TGM4: variants seen among roughly 807,000 people sequenced by gnomAD.
TGM4 encodes protein-glutamine gamma-glutamyltransferase 4.
In TGM4, 61 loss-of-function variants were observed where a neutral mutation model predicts 76.3. That is an observed-to-expected ratio of 0.80 (90% confidence interval 0.65 to 0.99). The LOEUF (loss-of-function observed/expected upper bound fraction) is 0.99, where lower values mean the gene tolerates loss of function less well. Ranked by LOEUF, TGM4 falls within the 50% of genes least tolerant of loss-of-function variation. The pLI is 0.00. For missense variants in TGM4, 794 were observed against 843.2 expected (o/e 0.94, Z 0.72); for synonymous variants, 337 against 329.8 (o/e 1.02, Z -0.24).
chr3:44,910,439 T>C lies in TGM4; in HGVS notation c.1606+71T>C, dbSNP rs140854321. On this transcript the variant is annotated intron_variant, in intron 11 of 13. Coordinates refer to ENST00000296125, the MANE Select transcript of TGM4 (RefSeq NM_003241.4). The stretch of plus-strand genomic sequence containing the variant: ...CCACAATCTGAAATCCCTCTTCTCC[T>C]CTGTGGACAACTTCCATACATTGAT... The C allele has an allele frequency of 4.9e-4, 755 of 1,533,692 alleles. 4 individuals are homozygous for C. The African/African-American group carries it at 9.5e-3, about 19-fold the overall frequency.
Position 44,914,585 on chromosome 3 carries a change from A to G in TGM4, c.*860A>G, listed in dbSNP as rs911594335. 3 of 152,036 alleles carry G rather than the reference A, an allele frequency of 2.0e-5. No individual in the cohort carries two copies. Among genetic ancestry groups the G allele is most frequent in the Non-Finnish European group, 4.4e-5 (3 of 68,016 alleles). 9.4% of individuals were successfully genotyped at this position (152,036 alleles called of 1,614,324 possible). A position where few individuals can be genotyped will look rare whatever the true frequency, so the allele number is the denominator to read the frequency against. ...AAATGATCAATAAGCTTTAAATTAAACTCTACTTCAAGAAAACTCTGTGGT... is the reference window on the plus strand; with the variant it reads ...AAATGATCAATAAGCTTTAAATTAAGCTCTACTTCAAGAAAACTCTGTGGT... On this transcript the variant is annotated 3_prime_UTR_variant, in exon 14 of 14. Coordinates refer to ENST00000296125, the MANE Select transcript of TGM4 (RefSeq NM_003241.4).
At position 44,911,394 on chromosome 3, in the gene TGM4, C is replaced by T. The variant is rs1700003928; in HGVS notation, c.1901C>T (p.Thr634Ile). Reference sequence around the variant, plus strand: ...AGCCTGGGCATCTCCTCACTACAGACCTCTGACCATGGGTGAGTCTGCCTG... The same window carrying T: ...AGCCTGGGCATCTCCTCACTACAGATCTCTGACCATGGGTGAGTCTGCCTG... ...LESLGISSLQTSDHGTVQPGE... is the reference protein window; with the variant it reads ...LESLGISSLQISDHGTVQPGE... The change falls in exon 13 of 14, where the codon ACC becomes ATC. Residue 634 changes from threonine to isoleucine, a missense_variant. Transcript: ENST00000296125. The T allele has an allele frequency of 6.2e-7, 1 of 1,614,182 alleles. No homozygotes were observed.
chr3:44,901,881 T>C lies in TGM4; in HGVS notation c.921T>C (p.Tyr307=). ...DTERNLTVDT[Y]VNENGEKITS... The stretch of plus-strand genomic sequence containing the variant: ...AAAGGAACCTCACGGTGGACACCTA[T>C]GTGAATGAGAATGGCGAGAAAATCA... Residue 307 remains tyrosine, a synonymous_variant, in exon 8 of 14, where the codon TAT becomes TAC. Coordinates refer to ENST00000296125, the MANE Select transcript of TGM4 (RefSeq NM_003241.4). 3 of 1,614,228 alleles carry C rather than the reference T, an allele frequency of 1.9e-6. No homozygotes were observed. Among genetic ancestry groups the C allele is most frequent in the African/African-American group, 1.3e-5 (1 of 75,064 alleles).
chr3:44,886,353 G>T (rs1329896009), intron 2 of TGM4, among the ~76,000 whole-genome samples: 1 of 152,122 alleles, frequency 6.6e-6, no homozygotes, highest in African/African-American at 2.4e-5. Flanking sequence ...AAAAAAATTA[G>T]ATCAGGTAGA....
chr3:44,905,889 T>G (rs1260264614), intron 9 of TGM4, among the ~76,000 whole-genome samples: 1 of 152,136 alleles, frequency 6.6e-6, no homozygotes, highest in Non-Finnish European at 1.5e-5. Context: ...GCTCTTTCCA[T>G]CCAGGGAGTC....
chr3:44,881,857 T>A (rs1311645958), intron 1 of TGM4, among the ~76,000 whole-genome samples: 2 of 152,192 alleles, frequency 1.3e-5, no homozygotes, highest in African/African-American at 4.8e-5. Flanking sequence ...TTGCAGAGAC[T>A]TTTGTTTTTT....
Position 44,893,616 on chromosome 3 carries a change from A to G in TGM4, c.470A>G (p.Glu157Gly), listed in dbSNP as rs376813509. ...VFMPDEDERK[E>G]YILNDTGCHY... is the part of the protein sequence containing the mutation. ...ATGCCTGATGAGGACGAGCGCAAAG[A>G]GTACATCCTCAATGACACGGGCTGC... The change falls in exon 5 of 14, where the codon GAG becomes GGG. Residue 157 changes from glutamate (E) to glycine (G), a missense_variant. Transcript: ENST00000296125. 3 of 1,613,756 alleles carry G rather than the reference A, an allele frequency of 1.9e-6. No individual in the cohort carries two copies. Among genetic ancestry groups the G allele is most frequent in the South Asian group, 1.1e-5 (1 of 91,074 alleles).
chr3:44,891,841 G>T (rs1423141922), intron 4 of TGM4, among the ~76,000 whole-genome samples: 1 of 151,992 alleles, frequency 6.6e-6, no homozygotes, highest in Non-Finnish European at 1.5e-5. Flanking sequence ...CGGGCATGGT[G>T]GCGGGCGCCT....
chr3:44,877,954 C>A (rs1207708642), intron 1 of TGM4, among the ~76,000 whole-genome samples: 2 of 152,044 alleles, frequency 1.3e-5, no homozygotes, highest in Non-Finnish European at 2.9e-5. Flanking sequence ...AGGTTGAGAC[C>A]AGCCTGGGCA....
chr3:44,882,103 C>T (rs1699542031), intron 1 of TGM4, among the ~76,000 whole-genome samples: 1 of 127,326 alleles, frequency 7.9e-6, no homozygotes, highest in African/African-American at 2.9e-5. Context: ...ACTTTGTTGC[C>T]CAGGCTGGCG....
At position 44,896,821 on chromosome 3, in the gene TGM4, G is replaced by C; in HGVS notation, c.657+5G>C. On this transcript the variant is annotated splice_donor_5th_base_variant and intron_variant, in intron 6 of 13. Coordinates refer to ENST00000296125, the MANE Select transcript of TGM4 (RefSeq NM_003241.4). ...TGCAGGGCCATGTGTGCTATGGTAG[G>C]TATGGAAAGCCTGGGCTGATGCTGT... 2 of 1,613,102 alleles carry C rather than the reference G, an allele frequency of 1.2e-6. No homozygotes were observed. Among genetic ancestry groups the C allele is most frequent in the South Asian group, 1.1e-5 (1 of 91,062 alleles).
intron 10 of TGM4, 109 bp downstream of exon 10, chr3:44,907,309 C>CAA: frequency 8.9e-6 from 7 of 789,570 alleles, no homozygotes; most frequent in Middle Eastern, 4.1e-4. Context: ...CCCATCCCTA[C>CAA]CAAAAAAAAA....
At chr3:44,890,816 TG>T in intron 4 of TGM4, 84 bp downstream of exon 4, 1 of 1,531,932 alleles carries the variant, frequency 6.5e-7, no homozygotes, top group Non-Finnish European at 8.9e-7. Context: ...TATGAGCTTT[TG>T]TTTGCTCTCA....
At chr3:44,910,927 AC>A (rs1448580897) in intron 11 of TGM4, 30 bp from the exon 12 acceptor site, 1 of 1,606,118 alleles carries the variant, frequency 6.2e-7, no homozygotes, top group African/African-American at 1.3e-5. Flanking sequence ...ATGATGAATG[AC>A]CTCTCCCCTC....
chr3:44,878,552 G>A lies in TGM4; in HGVS notation c.19+3855G>A, dbSNP rs369324163. On this transcript the variant is annotated intron_variant, in intron 1 of 13. Transcript: ENST00000296125. ...GGCTGGAGCACAGTGACGTGATCTC[G>A]GTTCACTGCAGCCTCCAGTTCCCAG... Among the ~76,000 whole-genome samples the A allele has an allele frequency of 9.3e-5, 14 of 150,858 alleles. No individual in the cohort carries two copies. The East Asian group carries it at 2.1e-3, about 23-fold the overall frequency.
chr3:44,874,794 C>CCT, intron 1 of TGM4, 97 bp downstream of exon 1: 2 of 1,466,672 alleles, frequency 1.4e-6, no homozygotes, highest in Admixed American at 3.6e-5. Context: ...GGGCCATTGC[C>CCT]CTCTCACCCT....
chr3:44,874,846 T>G, intron 1 of TGM4, 149 bp downstream of exon 1: 1 of 857,980 alleles, frequency 1.2e-6, no homozygotes, highest in Non-Finnish European at 1.8e-6. Context: ...TCTCATCCCT[T>G]TTTAGAAAAC....
At chr3:44,885,550 C>T in intron 2 of TGM4, 52 bp downstream of exon 2, 1 of 1,568,632 alleles carries the variant, frequency 6.4e-7, no homozygotes, top group Non-Finnish European at 8.7e-7. Context: ...TCACAAGTGT[C>T]TGTGGATGCT....
intron 1 of TGM4, among the ~76,000 whole-genome samples, chr3:44,882,313 C>T (rs1354126597): frequency 6.6e-6 from 1 of 152,162 alleles, no homozygotes; most frequent in African/African-American, 2.4e-5. Context: ...TTAAGCAGTG[C>T]TCAGGTCACA....
Sources: allele counts gnomAD v4.1 joint callset (sites outside exome capture counted in the v4.1 genomes callset), GRCh38; gene constraint gnomAD v4.1.1; transcripts MANE v1.5; gene names NCBI Gene and HGNC (gene_info 2026-07-23, HGNC 2026-07-21).